Variants in NKX2-2 observed in about 807,000 individuals in gnomAD.
The protein encoded by NKX2-2 is NK2 homeobox 2.
In NKX2-2, 8 loss-of-function variants were observed where a neutral mutation model predicts 24.6. The ratio of observed to expected loss-of-function variants is 0.32; its 90% confidence interval spans 0.19 to 0.59. The LOEUF (loss-of-function observed/expected upper bound fraction) is 0.59, where lower values mean the gene tolerates loss of function less well. Ranked by LOEUF, NKX2-2 falls within the 20% of genes least tolerant of loss-of-function variation. The pLI, the probability that NKX2-2 is intolerant of heterozygous loss-of-function variation, is 0.86. For synonymous variants in NKX2-2, 217 were observed against 173.3 expected (o/e 1.25, Z -1.98); for missense variants, 381 against 373.9 (o/e 1.02, Z -0.16).
rs1980412556 is a variant in NKX2-2 at position 21,511,201 on chromosome 20, T to C, written c.*722A>G. 6.6e-6 allele frequency: 1 copy of C among 152,144 alleles called. No homozygotes were observed. Among genetic ancestry groups the C allele is most frequent in the Non-Finnish European group, 1.5e-5 (1 of 67,982 alleles). The allele number at this position is 152,144 out of a possible 1,614,324, so 9.4% of individuals were successfully genotyped here. A position where few individuals can be genotyped will look rare whatever the true frequency, so the allele number is the denominator to read the frequency against. On this transcript the variant is annotated 3_prime_UTR_variant, in exon 2 of 2. Coordinates refer to ENST00000377142, the MANE Select transcript of NKX2-2 (RefSeq NM_002509.4). ...GGTTTTCTTTTCCATATTTGAGAAATGTTTGCACAATAAAATAAAAAGAGA... is the reference window on the plus strand; with the variant it reads ...GGTTTTCTTTTCCATATTTGAGAAACGTTTGCACAATAAAATAAAAAGAGA...
chr20:21,522,686 C>T, the NKX2-2 span, among the ~76,000 whole-genome samples: 18 of 151,488 alleles, frequency 1.2e-4, no homozygotes, highest in Non-Finnish European at 4.4e-5. Flanking sequence ...TCGACGCGGC[C>T]GGCGAGCGCT....
the NKX2-2 span, among the ~76,000 whole-genome samples, chr20:21,521,980 C>G: frequency 6.6e-6 from 1 of 152,232 alleles, no homozygotes; most frequent in Non-Finnish European, 1.5e-5. Flanking sequence ...GGTGCCGCGC[C>G]CCTCCCTCCT....
upstream of NKX2-2, among the ~76,000 whole-genome samples, chr20:21,514,357 T>C (rs1980558743): frequency 6.6e-6 from 1 of 150,952 alleles, no homozygotes; most frequent in Admixed American, 6.6e-5. Context: ...TAGAGCAAGA[T>C]GAGAGGTGTA....
the NKX2-2 span, among the ~76,000 whole-genome samples, chr20:21,521,978 G>C: frequency 6.6e-6 from 1 of 152,192 alleles, no homozygotes; most frequent in Non-Finnish European, 1.5e-5. Context: ...CGGGTGCCGC[G>C]CCCCTCCCTC....
At chr20:21,522,677 C>G in the NKX2-2 span, among the ~76,000 whole-genome samples, 2 of 151,508 alleles carry the variant, frequency 1.3e-5, no homozygotes, top group African/African-American at 4.8e-5. Context: ...GGCGGCGGCT[C>G]GACGCGGCCG....
At chr20:21,514,142 G>GAGAGGGAGGGAGGGAAAGAA (rs1171911388), upstream of NKX2-2, 4 of 150,976 alleles carry the variant, frequency 2.6e-5, no homozygotes, top group Non-Finnish European at 4.4e-5. Flanking sequence ...GGGGGAGAAA[G>GAGAGGGAGGGAGGGAAAGAA]AGAGGGAGGG....
rs1980506121 is a variant in NKX2-2 at position 21,513,236 on chromosome 20, T to C, written c.259+175A>G. Among the ~76,000 whole-genome samples the C allele has an allele frequency of 6.6e-6, 1 of 152,206 alleles. No individual in the cohort carries two copies. Among genetic ancestry groups the C allele is most frequent in the Non-Finnish European group, 1.5e-5 (1 of 68,038 alleles). On this transcript the variant is annotated intron_variant, in intron 1 of 1. Coordinates refer to ENST00000377142, the MANE Select transcript of NKX2-2 (RefSeq NM_002509.4). The surrounding 1 kb of genome is among the most constrained non-coding windows in gnomAD (Gnocchi z 4.6). ...AGTTCTTTCCCGGAACTAAGGAGGC[T>C]TGAAGAGGAGGGCAGAGGACATCCT...
upstream of NKX2-2, among the ~76,000 whole-genome samples, chr20:21,515,451 C>G (rs55708384): frequency 0.17 from 25,380 of 152,144 alleles, 2,178 homozygotes; most frequent in East Asian, 0.27. Flanking sequence ...CTCCACGTTT[C>G]CAGGTTAAGT....
upstream of NKX2-2, among the ~76,000 whole-genome samples, chr20:21,514,446 C>G (rs540155223): frequency 6.8e-5 from 10 of 147,816 alleles, no homozygotes; most frequent in African/African-American, 2.3e-4. Context: ...GCCACCGCGT[C>G]GCTCGCGAGT....
At chr20:21,519,935 A>T in the NKX2-2 span, among the ~76,000 whole-genome samples, 2 of 152,114 alleles carry the variant, frequency 1.3e-5, no homozygotes, top group Non-Finnish European at 2.9e-5. Flanking sequence ...GGACAGGTGG[A>T]CGAGAAAGTG....
upstream of NKX2-2, among the ~76,000 whole-genome samples, chr20:21,517,298 C>T (rs925639624): frequency 2.6e-5 from 4 of 152,198 alleles, no homozygotes; most frequent in Admixed American, 6.5e-5. Flanking sequence ...TTCACCCCAG[C>T]GAGTCTTCCA....
In NKX2-2 at chr20:21,513,323, T is replaced by C; in HGVS notation, c.259+88A>G. 7.1e-7 allele frequency: 1 copy of C among 1,403,090 alleles called. No homozygotes were observed. The highest frequency in any genetic ancestry group is 9.5e-7 in the Non-Finnish European group (1 of 1,053,656). 86.9% of individuals were successfully genotyped at this position (1,403,090 alleles called of 1,614,324 possible). On this transcript the variant is annotated intron_variant, in intron 1 of 1. Coordinates refer to ENST00000377142, the MANE Select transcript of NKX2-2 (RefSeq NM_002509.4). This position sits in a 1 kb window ranked among gnomAD's most constrained non-coding sequence, Gnocchi z 4.6. Reference sequence around the variant, plus strand: ...AGGGGGTCCGGGCTTACATGGCCCCTTCCCCTTTCACTCCCAGCGTCCAAC... The same window carrying C: ...AGGGGGTCCGGGCTTACATGGCCCCCTCCCCTTTCACTCCCAGCGTCCAAC...
At chr20:21,512,920 G>T (rs1005712483) in intron 1 of NKX2-2, among the ~76,000 whole-genome samples, 10 of 152,200 alleles carry the variant, frequency 6.6e-5, no homozygotes, top group African/African-American at 1.9e-4. Flanking sequence ...CTGCTTTCGG[G>T]CCTTCTAGAC....
intron 1 of NKX2-2, 30 bp from the exon 2 acceptor site, chr20:21,512,515 A>G: frequency 6.8e-7 from 1 of 1,460,744 alleles, no homozygotes; most frequent in Non-Finnish European, 9.1e-7. Flanking sequence ...GAAGCGCGTC[A>G]GGCGTCTGGA....
chr20:21,520,541 C>G, the NKX2-2 span, among the ~76,000 whole-genome samples: 1 of 152,148 alleles, frequency 6.6e-6, no homozygotes, highest in Non-Finnish European at 1.5e-5. Flanking sequence ...AAATAAAAGG[C>G]GAGGAAAGCC....
At chr20:21,520,106 A>T in the NKX2-2 span, among the ~76,000 whole-genome samples, 2 of 152,116 alleles carry the variant, frequency 1.3e-5, no homozygotes, top group Non-Finnish European at 2.9e-5. Flanking sequence ...TCCCAAGTCA[A>T]CTAAGAAGGA....
upstream of NKX2-2, among the ~76,000 whole-genome samples, chr20:21,515,167 T>C (rs1980595030): frequency 1.3e-5 from 2 of 152,002 alleles, no homozygotes; most frequent in Non-Finnish European, 2.9e-5. Flanking sequence ...CAGACGGCCC[T>C]GCTCTTTCCT....
upstream of NKX2-2, among the ~76,000 whole-genome samples, chr20:21,514,701 G>A (rs1050535666): frequency 6.6e-6 from 1 of 152,180 alleles, no homozygotes; most frequent in South Asian, 2.1e-4. Flanking sequence ...CCTTTCCATC[G>A]TTGGTGGTTG....
At position 21,513,463 on chromosome 20, in the gene NKX2-2, G is replaced by C. The variant is rs148291922; in HGVS notation, c.207C>G (p.Ser69Arg). 7 of 1,604,362 alleles carry C rather than the reference G, an allele frequency of 4.4e-6. No homozygotes were observed. Among genetic ancestry groups the C allele is most frequent in the Non-Finnish European group, 5.1e-6 (6 of 1,175,510 alleles). ...CCAGCCAGCGCGTGTACGGGTTGTC[G>C]CTGCTGTCGTAGAAGGGGTTCTTCA... ...LPLKNPFYDSSDNPYTRWLAS... is the reference protein window; with the variant it reads ...LPLKNPFYDSRDNPYTRWLAS... Residue 69 changes from serine (S) to arginine (R), a missense_variant, in exon 1 of 2, where the codon AGC (serine) becomes AGG (arginine). This residue lies in a region of NKX2-2 where 206 missense variants were observed against 173.1 expected (regional missense o/e 1.19). Coordinates refer to ENST00000377142, the MANE Select transcript of NKX2-2 (RefSeq NM_002509.4). The surrounding 1 kb of genome is among the most constrained non-coding windows in gnomAD (Gnocchi z 4.6).
Sources: allele counts gnomAD v4.1 joint callset (sites outside exome capture counted in the v4.1 genomes callset), GRCh38; gene constraint gnomAD v4.1.1; regional missense constraint gnomAD v4.1.1; non-coding constraint Gnocchi (gnomAD v3.1); transcripts MANE v1.5; gene names NCBI Gene and HGNC (gene_info 2026-07-23, HGNC 2026-07-21).